The following CHD7 variants were observed in gnomAD, a reference collection of about 807,000 sequenced individuals.
CHD7 encodes the protein chromodomain helicase DNA binding protein 7, also known as ATP-dependent chromatin remodeler CHD7.
In CHD7, 24 loss-of-function variants were observed where a neutral mutation model predicts 307.3. That is an observed-to-expected ratio of 0.08 (90% CI 0.06 to 0.11). The LOEUF is 0.11. Ranked by LOEUF, CHD7 falls within the 10% of genes least tolerant of loss-of-function variation. The pLI, the probability that CHD7 is intolerant of heterozygous loss-of-function variation, is 1.00. For missense variants in CHD7, 3,106 were observed against 3,727.1 expected (o/e 0.83, Z 4.34); for synonymous variants, 1,363 against 1,349.9 (o/e 1.01, Z -0.21).
At position 60,852,480 on chromosome 8, in the gene CHD7, A is replaced by G. The variant is rs749637476; in HGVS notation, c.5895-18A>G. ...TTTTCCTGAAGTATGATGCAAGCTA[A>G]TATAATCTTTCTAACAGGTGGACAA... On this transcript the variant is annotated intron_variant, in intron 29 of 37. Coordinates refer to ENST00000423902, the MANE Select transcript of CHD7 (RefSeq NM_017780.4). 2 of 1,601,820 alleles carry G rather than the reference A, an allele frequency of 1.2e-6. No individual in the cohort carries two copies. The highest frequency in any genetic ancestry group is 1.7e-6 in the Non-Finnish European group (2 of 1,169,914).
chr8:60,744,121 G>A (rs1379722618), intron 2 of CHD7, among the ~76,000 whole-genome samples: 1 of 152,182 alleles, frequency 6.6e-6, no homozygotes, highest in Non-Finnish European at 1.5e-5. Context: ...GCCTTACCCC[G>A]GGGAGGTGAA....
intron 19 of CHD7, among the ~76,000 whole-genome samples, chr8:60,839,913 A>G (rs979640238): frequency 6.6e-6 from 1 of 152,090 alleles, no homozygotes; most frequent in African/African-American, 2.4e-5. Flanking sequence ...TACCAAATTT[A>G]TTTTATCGCT....
At chr8:60,713,720 C>T (rs1186099001) in intron 1 of CHD7, among the ~76,000 whole-genome samples, 1 of 152,130 alleles carries the variant, frequency 6.6e-6, no homozygotes, top group South Asian at 2.1e-4. Context: ...AGAGCTGTTG[C>T]TGCCTGGGGT....
At chr8:60,819,144 G>T (rs928172839) in intron 8 of CHD7, among the ~76,000 whole-genome samples, 19 of 151,988 alleles carry the variant, frequency 1.3e-4, no homozygotes, top group African/African-American at 4.4e-4. Flanking sequence ...TAGTAGAGAC[G>T]GGGTTTCACC....
intron 2 of CHD7, among the ~76,000 whole-genome samples, chr8:60,773,882 T>C (rs1393201655): frequency 6.6e-6 from 1 of 152,180 alleles, no homozygotes; most frequent in African/African-American, 2.4e-5. Context: ...GGGTAAAAGG[T>C]TAGTGATTCT....
intron 25 of CHD7, among the ~76,000 whole-genome samples, 151 bp downstream of exon 25, chr8:60,849,305 A>G (rs1291737120): frequency 1.3e-5 from 2 of 152,248 alleles, no homozygotes; most frequent in African/African-American, 4.8e-5. Context: ...TAAAAATCTA[A>G]TATGAACTGT....
intron 1 of CHD7, among the ~76,000 whole-genome samples, chr8:60,720,157 CTG>C (rs530089791): frequency 7.8e-4 from 119 of 152,164 alleles, no homozygotes; most frequent in Non-Finnish European, 1.6e-3. Flanking sequence ...GGTCAAATGA[CTG>C]TGTCCTGTTC....
At position 60,678,779 on chromosome 8, in the gene CHD7, G is replaced by GGCGGCGGCGGCGGCA. The variant is rs1279041099; in HGVS notation, c.-467_-466insGGCAGCGGCGGCGGC. ...GTGCTGGGGCCGCGGCGGCGGCGGC[G>GGCGGCGGCGGCGGCA]GCGGCGGCGGCAGCGGCGGCGGCGG... On this transcript the variant is annotated 5_prime_UTR_variant, in exon 1 of 38. Transcript: ENST00000423902. 9 of 142,178 alleles carry GGCGGCGGCGGCGGCA rather than the reference G, an allele frequency of 6.3e-5. No individual in the cohort carries two copies. Among genetic ancestry groups the GGCGGCGGCGGCGGCA allele is most frequent in the South Asian group, 5.6e-4 (3 of 5,314 alleles). The allele number at this position is 142,178 out of a possible 1,614,324, so 8.8% of individuals were successfully genotyped here. A position where few individuals can be genotyped will look rare whatever the true frequency, so the allele number is the denominator to read the frequency against.
chr8:60,686,176 G>A (rs550550986), intron 1 of CHD7, among the ~76,000 whole-genome samples: 1 of 152,146 alleles, frequency 6.6e-6, no homozygotes, highest in Admixed American at 6.5e-5. Context: ...ACCTTCACCT[G>A]CAATAGTTTT....
chr8:60,803,312 C>CA (rs1267623698), intron 6 of CHD7, among the ~76,000 whole-genome samples: 1 of 152,150 alleles, frequency 6.6e-6, no homozygotes, highest in East Asian at 1.9e-4. Flanking sequence ...TTAGGGGTTG[C>CA]AAATTATAAT....
In CHD7 at chr8:60,742,722, G is replaced by T. The variant is rs779037108; in HGVS notation, c.1290G>T (p.Met430Ile). Residue 430 changes from methionine to isoleucine, a missense_variant, in exon 2 of 38, where the codon ATG (methionine) becomes ATT (isoleucine). Physicochemically the swap from Met to Ile is conservative, Grantham distance 10. Around this residue, in one of 10 missense-constraint regions of CHD7, gnomAD observed 998 missense variants for 1,004.5 expected, o/e 0.99. Transcript: ENST00000423902. Reference protein sequence around the residue: ...IPMEVGSYPNMPHPQPSHQPP... With the variant: ...IPMEVGSYPNIPHPQPSHQPP... The stretch of plus-strand genomic sequence containing the variant: ...TGGAAGTTGGCAGTTATCCAAATAT[G>T]CCCCATCCTCAGCCATCTCACCAGC... 3 of 1,613,856 alleles carry T rather than the reference G, an allele frequency of 1.9e-6. No homozygotes were observed. The highest frequency in any genetic ancestry group is 2.5e-6 in the Non-Finnish European group (3 of 1,179,754).
At chr8:60,725,655 C>T (rs1808125823) in intron 1 of CHD7, among the ~76,000 whole-genome samples, 1 of 152,034 alleles carries the variant, frequency 6.6e-6, no homozygotes, top group Admixed American at 6.6e-5. Flanking sequence ...CATTCTGAAC[C>T]CTTGAATTGT....
intron 7 of CHD7, among the ~76,000 whole-genome samples, chr8:60,810,498 A>G (rs1033493748): frequency 2.0e-5 from 3 of 152,094 alleles, no homozygotes; most frequent in African/African-American, 7.2e-5. Flanking sequence ...CAATGTGTAT[A>G]TATTGATACT....
chr8:60,787,080 T>C (rs59614411), intron 3 of CHD7, among the ~76,000 whole-genome samples: 22,029 of 152,180 alleles, frequency 0.14, 2,056 homozygotes, highest in East Asian at 0.28. Context: ...TAAACTTCCA[T>C]AGAATACTAA....
At chr8:60,821,744 A>G (rs1586389216) in intron 9 of CHD7, 46 bp from the exon 10 acceptor site, 1 of 1,529,458 alleles carries the variant, frequency 6.5e-7, no homozygotes, top group Non-Finnish European at 8.9e-7. Context: ...ATATGTATGT[A>G]TGTGGTCAAA....
chr8:60,706,562 C>G (rs1807031514), intron 1 of CHD7, among the ~76,000 whole-genome samples: 1 of 152,038 alleles, frequency 6.6e-6, no homozygotes, highest in African/African-American at 2.4e-5. Context: ...GAGGATTTTG[C>G]TCTAATTATT....
intron 1 of CHD7, among the ~76,000 whole-genome samples, chr8:60,689,828 C>T (rs192339198): frequency 1.3e-5 from 2 of 152,312 alleles, no homozygotes; most frequent in Admixed American, 6.5e-5. Context: ...CAGTCCAAGA[C>T]GTAGCCGACA....
At chr8:60,717,318 G>C (rs149491110) in intron 1 of CHD7, among the ~76,000 whole-genome samples, 34 of 152,274 alleles carry the variant, frequency 2.2e-4, no homozygotes, top group Middle Eastern at 3.4e-3. Flanking sequence ...TAAACACTTT[G>C]GTTATTAGAC....
chr8:60,835,612 T>A (rs937151948), intron 15 of CHD7, among the ~76,000 whole-genome samples: 5 of 152,250 alleles, frequency 3.3e-5, no homozygotes, highest in African/African-American at 1.2e-4. Flanking sequence ...CTACTATTGC[T>A]CTTACGCTGT....
Sources: allele counts gnomAD v4.1 joint callset (sites outside exome capture counted in the v4.1 genomes callset), GRCh38; gene constraint gnomAD v4.1.1; regional missense constraint gnomAD v4.1.1; transcripts MANE v1.5; gene names NCBI Gene and HGNC (gene_info 2026-07-23, HGNC 2026-07-21).